Variants in HACE1 observed in about 807,000 individuals in gnomAD.
HACE1 encodes HECT domain and ankyrin repeat containing E3 ubiquitin protein ligase 1, also known as E3 ubiquitin-protein ligase HACE1.
HACE1 carries 73 observed loss-of-function variants against 118.4 expected under a neutral mutation model. The observed-to-expected ratio is 0.62, with a 90% CI of 0.51 to 0.75. The LOEUF is 0.75. Among genes scored for constraint, HACE1 ranks in the 30% least tolerant of loss-of-function variants. HACE1 has a pLI of 0.00. For synonymous variants in HACE1, 368 were observed against 374.8 expected (o/e 0.98, Z 0.21); for missense variants, 749 against 1,102.2 (o/e 0.68, Z 4.54).
chr6:104,741,856 A>G (rs905910748), intron 22 of HACE1, among the ~76,000 whole-genome samples: 1 of 148,484 alleles, frequency 6.7e-6, no homozygotes, highest in African/African-American at 2.5e-5. Flanking sequence ...TCACCAAGTC[A>G]ATCTTAAGCC....
rs556942587 is a variant in HACE1, at chr6:104,840,735, G to A, written c.402+2488C>T. ...TCCCAGCACTTTGGGAGGCCAAGGC[G>A]GGCAGATCACCTGAGGTCAGGAGTT... On this transcript the variant is annotated intron_variant, in intron 5 of 23. Transcript: ENST00000262903. 9.2e-5 allele frequency among the ~76,000 whole-genome samples: 14 copies of A among 152,186 alleles called. No homozygotes were observed. In the East Asian group the frequency reaches 1.9e-3, roughly 21 times the overall value.
intron 5 of HACE1, among the ~76,000 whole-genome samples, chr6:104,836,812 AGT>A (rs1774587109): frequency 6.6e-6 from 1 of 152,196 alleles, no homozygotes; most frequent in East Asian, 1.9e-4. Flanking sequence ...AGAACTAATA[AGT>A]GAGTTCAGCA....
chr6:104,768,712 A>C (rs1295650772), intron 19 of HACE1, among the ~76,000 whole-genome samples: 1 of 152,140 alleles, frequency 6.6e-6, no homozygotes, highest in Admixed American at 6.5e-5. Flanking sequence ...TTACTTAAAA[A>C]AGTTAGCCTC....
At chr6:104,797,065 T>A (rs1394298778) in intron 7 of HACE1, 40 bp from the exon 8 acceptor site, 2 of 1,105,802 alleles carry the variant, frequency 1.8e-6, no homozygotes. Flanking sequence ...ACAATCTTTT[T>A]AAAGTCTTTC....
chr6:104,836,964 T>C lies in HACE1; in HGVS notation c.403-3791A>G, dbSNP rs185615281. ...CAAAACATGCACAAAATCCCCACTG[T>C]GCTGTACAAAATTCTAATGAATAAA... On this transcript the variant is annotated intron_variant, in intron 5 of 23. Coordinates refer to ENST00000262903, the MANE Select transcript of HACE1 (RefSeq NM_020771.4). 8.9e-4 allele frequency among the ~76,000 whole-genome samples: 135 copies of C among 152,306 alleles called. 2 individuals carry two copies. Among genetic ancestry groups the C allele is most frequent in the African/African-American group, 3.2e-3 (133 of 41,574 alleles).
At chr6:104,828,546 A>C (rs1199058489) in intron 6 of HACE1, among the ~76,000 whole-genome samples, 1 of 152,032 alleles carries the variant, frequency 6.6e-6, no homozygotes, top group African/African-American at 2.4e-5. Context: ...TTATATAAAA[A>C]TAAAATTATT....
chr6:104,847,849 C>CGAA, intron 4 of HACE1, among the ~76,000 whole-genome samples: 1 of 151,614 alleles, frequency 6.6e-6, no homozygotes, highest in South Asian at 2.1e-4. Context: ...ACAGAGTTTC[C>CGAA]CTCTGTTGTC....
intron 17 of HACE1, among the ~76,000 whole-genome samples, chr6:104,773,275 C>A (rs1251692374): frequency 6.6e-6 from 1 of 151,886 alleles, no homozygotes; most frequent in African/African-American, 2.4e-5. Context: ...CAAAGAAAAA[C>A]AAAAGGTAGA....
chr6:104,840,430 C>T (rs959790164), intron 5 of HACE1, among the ~76,000 whole-genome samples: 2 of 152,094 alleles, frequency 1.3e-5, no homozygotes, highest in African/African-American at 4.8e-5. Flanking sequence ...GAACAATAGC[C>T]TCATCTTCCA....
At chr6:104,793,535 CAGTT>C (rs1324000591) in intron 10 of HACE1, among the ~76,000 whole-genome samples, 2 of 152,124 alleles carry the variant, frequency 1.3e-5, no homozygotes, top group Non-Finnish European at 2.9e-5. Flanking sequence ...TTCCTGAAAT[CAGTT>C]AGATAATAGG....
At position 104,750,820 on chromosome 6, in the gene HACE1, T is replaced by C. The variant is rs1259893250; in HGVS notation, c.2212-348A>G. Among the ~76,000 whole-genome samples the C allele has an allele frequency of 2.0e-5, 3 of 152,328 alleles. No homozygotes were observed. The East Asian group carries it at 5.8e-4, about 29-fold the overall frequency. ...TACTGCAACATCTGGTGTCCCTGTT[T>C]CCATTTTTGCCCCTGTACTGATGCT... On this transcript the variant is annotated intron_variant, in intron 19 of 23. Coordinates refer to ENST00000262903, the MANE Select transcript of HACE1 (RefSeq NM_020771.4).
intron 6 of HACE1, among the ~76,000 whole-genome samples, chr6:104,831,984 A>AGAAGAGAAGAGAAGAG (rs201781305): frequency 0.015 from 883 of 57,188 alleles, 2 homozygotes; most frequent in East Asian, 0.035. Flanking sequence ...AGAAGAGAGG[A>AGAAGAGAAGAGAAGAG]AGGAAGGAAG....
intron 1 of HACE1, 126 bp downstream of exon 1, chr6:104,859,441 A>C: frequency 4.0e-6 from 3 of 758,680 alleles, no homozygotes; most frequent in Non-Finnish European, 6.1e-6. Flanking sequence ...TCAGCTCTGG[A>C]AAGTAAAAGT....
intron 9 of HACE1, 104 bp from the exon 10 acceptor site, chr6:104,795,789 C>T: frequency 2.8e-6 from 2 of 707,010 alleles, no homozygotes; most frequent in African/African-American, 1.8e-5. Context: ...TAGTCTAAAT[C>T]AAGTCCTTTA....
At chr6:104,800,227 G>A (rs1474781180) in intron 7 of HACE1, among the ~76,000 whole-genome samples, 1 of 152,144 alleles carries the variant, frequency 6.6e-6, no homozygotes, top group African/African-American at 2.4e-5. Context: ...AAACTAGGCG[G>A]AGCCCACTGC....
Position 104,831,978 on chromosome 6 carries a change from GAGAGGA to G in HACE1, c.534+1058_534+1063del, listed in dbSNP as rs1773989856. Among the ~76,000 whole-genome samples the G allele has an allele frequency of 7.4e-4, 40 of 53,832 alleles. 1 individual carries two copies. The highest frequency in any genetic ancestry group is 7.0e-4 in the Non-Finnish European group (20 of 28,648). The allele number at this position is 53,832 out of a possible 152,430, so 35.3% of individuals were successfully genotyped here. ...GAGAAGAGAAGAGAAGAGAAGAGAA[GAGAGGA>G]AGGAAGGAAGGAAGGAAGGAAGGAA... On this transcript the variant is annotated intron_variant, in intron 6 of 23. Transcript: ENST00000262903.
chr6:104,731,099 AGGAT>A (rs1427199527), intron 22 of HACE1: 1 of 152,586 alleles, frequency 6.6e-6, no homozygotes, highest in African/African-American at 2.4e-5. Flanking sequence ...ATGGCTGTAG[AGGAT>A]GTAATTACAA....
chr6:104,794,157 A>G (rs1783367731), intron 10 of HACE1, among the ~76,000 whole-genome samples: 1 of 152,208 alleles, frequency 6.6e-6, no homozygotes, highest in African/African-American at 2.4e-5. Context: ...TGGAGATAAC[A>G]TCTAAATTAT....
At chr6:104,830,653 T>C (rs369450749) in intron 6 of HACE1, among the ~76,000 whole-genome samples, 2 of 152,152 alleles carry the variant, frequency 1.3e-5, no homozygotes, top group African/African-American at 4.8e-5. Flanking sequence ...TCAGAAAGTT[T>C]GTAACCAAAA....
Sources: allele counts gnomAD v4.1 joint callset (sites outside exome capture counted in the v4.1 genomes callset), GRCh38; gene constraint gnomAD v4.1.1; transcripts MANE v1.5; gene names NCBI Gene and HGNC (gene_info 2026-07-23, HGNC 2026-07-21).